The following POC1B variants were observed in gnomAD, a reference collection of about 807,000 sequenced individuals.
POC1B encodes the protein POC1 centriolar protein homolog B.
POC1B carries 44 observed loss-of-function variants against 60.6 expected under a neutral mutation model. The observed-to-expected ratio is 0.73, with a 90% CI of 0.57 to 0.93. The LOEUF is 0.93. Ranked by LOEUF, POC1B falls within the 40% of genes least tolerant of loss-of-function variation. POC1B has a pLI of 0.00. For missense variants in POC1B, 555 were observed against 572.3 expected (o/e 0.97, Z 0.31); for synonymous variants, 180 against 198.9 (o/e 0.90, Z 0.80).
At chr12:89,513,358 G>A (rs1332174962) in intron 2 of POC1B, among the ~76,000 whole-genome samples, 1 of 151,882 alleles carries the variant, frequency 6.6e-6, no homozygotes, top group East Asian at 1.9e-4. Context: ...GTCAAAAAAG[G>A]AAAGATTAAC....
intron 10 of POC1B, among the ~76,000 whole-genome samples, chr12:89,456,359 T>A (rs1266488621): frequency 1.3e-5 from 2 of 152,132 alleles, no homozygotes; most frequent in African/African-American, 2.4e-5. Context: ...GGAAACAAAT[T>A]CGTATCTTGT....
At chr12:89,525,307 C>T in intron 1 of POC1B, 103 bp from the exon 2 acceptor site, 1 of 1,470,910 alleles carries the variant, frequency 6.8e-7, no homozygotes, top group Non-Finnish European at 9.0e-7. Context: ...TGGGAATGGC[C>T]ACCCAGGCGG....
At chr12:89,408,735 C>T in the POC1B span, among the ~76,000 whole-genome samples, 1 of 152,210 alleles carries the variant, frequency 6.6e-6, no homozygotes, top group Non-Finnish European at 1.5e-5. Context: ...AATCTGCCTG[C>T]CTCAGCCTCC....
At chr12:89,497,017 G>C in intron 3 of POC1B, 154 bp downstream of exon 3, 2 of 713,654 alleles carry the variant, frequency 2.8e-6, no homozygotes, top group Non-Finnish European at 4.5e-6. Flanking sequence ...GAAAAAAATT[G>C]TATGAATTAG....
chr12:89,412,840 TTCC>T, the POC1B span, among the ~76,000 whole-genome samples: 57 of 126,464 alleles, frequency 4.5e-4, no homozygotes, highest in South Asian at 0.012. Context: ...CCTTCCTTCC[TTCC>T]TTCCTTTCCT....
At chr12:89,412,984 C>T in the POC1B span, among the ~76,000 whole-genome samples, 7 of 150,538 alleles carry the variant, frequency 4.6e-5, no homozygotes, top group South Asian at 6.3e-4. Flanking sequence ...CTGCAGCCTC[C>T]GCCTCCTGGA....
At chr12:89,501,111 G>C (rs768932567) in intron 2 of POC1B, 89 of 1,277,604 alleles carry the variant, frequency 7.0e-5, no homozygotes, top group Non-Finnish European at 9.8e-5. Flanking sequence ...CCCCGGCTGA[G>C]AGCACTGCAC....
At chr12:89,474,355 A>G (rs973448785) in intron 4 of POC1B, among the ~76,000 whole-genome samples, 1 of 152,250 alleles carries the variant, frequency 6.6e-6, no homozygotes, top group African/African-American at 2.4e-5. Context: ...ACATTTCAAG[A>G]AAGCAATTAT....
At chr12:89,499,972 A>C in intron 2 of POC1B, 2 of 697,544 alleles carry the variant, frequency 2.9e-6, no homozygotes, top group Non-Finnish European at 4.9e-6. Context: ...CCTTCGACTT[A>C]AGGGTGTTGC....
chr12:89,432,001 T>G (rs546078487), intron 10 of POC1B, among the ~76,000 whole-genome samples: 10 of 152,296 alleles, frequency 6.6e-5, no homozygotes, highest in African/African-American at 1.9e-4. Flanking sequence ...ATATCTTCTC[T>G]AATTCTCATG....
chr12:89,458,356 T>C (rs1882341967), intron 10 of POC1B, among the ~76,000 whole-genome samples: 1 of 152,248 alleles, frequency 6.6e-6, no homozygotes, highest in South Asian at 2.1e-4. Flanking sequence ...TCCCATTAAT[T>C]TTTAATTTCT....
At chr12:89,450,725 A>G (rs1455235162) in intron 10 of POC1B, among the ~76,000 whole-genome samples, 4 of 152,236 alleles carry the variant, frequency 2.6e-5, no homozygotes, top group African/African-American at 7.2e-5. Context: ...ATAATTAAAA[A>G]TAAATAGAAA....
intron 2 of POC1B, among the ~76,000 whole-genome samples, chr12:89,499,899 C>A (rs1369531166): frequency 2.6e-5 from 4 of 152,270 alleles, no homozygotes; most frequent in South Asian, 2.1e-4. Context: ...GAGGGCAGAG[C>A]CAATGGCCGG....
rs902502505 is a variant in POC1B, at chr12:89,481,872, C to G, written c.453-9597G>C. On this transcript the variant is annotated intron_variant, in intron 4 of 11. Coordinates refer to ENST00000313546, the MANE Select transcript of POC1B (RefSeq NM_172240.3). ...CTAGAAGGGCCAGTGGCACTACAGCCCATGAGTAAAGACTACACTAGATCC... is the reference window on the plus strand; with the variant it reads ...CTAGAAGGGCCAGTGGCACTACAGCGCATGAGTAAAGACTACACTAGATCC... Among the ~76,000 whole-genome samples the G allele has an allele frequency of 3.9e-5, 6 of 152,056 alleles. 1 individual carries two copies. The highest frequency in any genetic ancestry group is 8.8e-5 in the Non-Finnish European group (6 of 68,008).
chr12:89,464,483 G>GTTTTTTTTTTTTTTTTTT (rs766668019), intron 9 of POC1B, among the ~76,000 whole-genome samples: 1 of 94,722 alleles, frequency 1.1e-5, no homozygotes, highest in Non-Finnish European at 1.9e-5. Flanking sequence ...TTTTATAAGA[G>GTTTTTTTTTTTTTTTTTT]TTTTTTTTTT....
At chr12:89,467,450 G>C (rs1200850970) in intron 8 of POC1B, among the ~76,000 whole-genome samples, 167 bp downstream of exon 8, 1 of 152,138 alleles carries the variant, frequency 6.6e-6, no homozygotes, top group Non-Finnish European at 1.5e-5. Context: ...ATTTAGAACT[G>C]GCTCTGTTTC....
the POC1B span, among the ~76,000 whole-genome samples, chr12:89,409,442 G>T: frequency 6.6e-6 from 1 of 152,130 alleles, no homozygotes; most frequent in Non-Finnish European, 1.5e-5. Context: ...TAGATGCGTG[G>T]TGTTATTTCT....
chr12:89,510,760 A>ATTTTTT (rs1870138240), intron 2 of POC1B, among the ~76,000 whole-genome samples: 1 of 65,178 alleles, frequency 1.5e-5, no homozygotes, highest in Admixed American at 1.4e-4. Flanking sequence ...ATATGTTTTT[A>ATTTTTT]TTCTTTTTTT....
At chr12:89,524,060 CAGG>C (rs1871185296) in intron 2 of POC1B, 12 of 1,613,628 alleles carry the variant, frequency 7.4e-6, no homozygotes, top group South Asian at 1.1e-5. Context: ...AAAAGAACTG[CAGG>C]AGAAGTTTCT....
Sources: gnomAD v4.1 joint callset for allele counts (sites outside exome capture counted in the v4.1 genomes callset) on GRCh38, gnomAD v4.1.1 for gene constraint, MANE v1.5 for transcripts, NCBI Gene and HGNC (gene_info 2026-07-23, HGNC 2026-07-21) for gene names.